The following RTRAF variants were observed in gnomAD, a reference collection of about 807,000 sequenced individuals.
RTRAF encodes the protein tRNA-splicing ligase complex subunit RTRAF.
Under a neutral mutation model 34.4 loss-of-function variants are expected in RTRAF, and 14 were observed. The ratio of observed to expected loss-of-function variants is 0.41; its 90% CI spans 0.27 to 0.64. The LOEUF is 0.64. Ranked by LOEUF, RTRAF falls within the 30% of genes least tolerant of loss-of-function variation. The pLI is 0.34. For missense variants in RTRAF, 291 were observed against 288.4 expected (o/e 1.01, Z -0.06); for synonymous variants, 96 against 95.3 (o/e 1.01, Z -0.04).
In RTRAF at chr14:51,998,518, C is replaced by T. The variant is rs149288575; in HGVS notation, c.311C>T (p.Pro104Leu). ...GCTGAAAAATACAAGGATTTAGTAC[C>T]TGATAATTCAAAAACTGCTGACAAT... The part of the protein sequence containing the change: ...DNAEKYKDLV[P>L]DNSKTADNAT... Residue 104 changes from proline to leucine, a missense_variant, in exon 4 of 8, where the codon CCT becomes CTT. Transcript: ENST00000261700. 1.1e-3 allele frequency: 1,791 copies of T among 1,585,956 alleles called. 8 individuals are homozygous for T. The Middle Eastern group carries it at 0.012, about 11-fold the overall frequency.
intron 6 of RTRAF, among the ~76,000 whole-genome samples, chr14:52,002,924 G>GTT (rs931201853): frequency 1.1e-4 from 16 of 152,212 alleles, no homozygotes; most frequent in Non-Finnish European, 1.8e-4. Flanking sequence ...GCCACTGGAA[G>GTT]TTGGGTTAAA....
rs1467139441 is a variant in RTRAF at position 52,005,304 on chromosome 14, G to GTAGT, written c.*789_*792dup. Reference sequence around the variant, plus strand: ...AACAACCTTCATTTTTAAAAATACAGTAGTAAAGATTGAGGTATCAGCTTT... The same window carrying GTAGT: ...AACAACCTTCATTTTTAAAAATACAGTAGTTAGTAAAGATTGAGGTATCAGCTTT... On this transcript the variant is annotated 3_prime_UTR_variant, in exon 8 of 8. Transcript: ENST00000261700. The GTAGT allele has an allele frequency of 2.2e-6, 1 of 446,976 alleles. No homozygotes were observed. Among genetic ancestry groups the GTAGT allele is most frequent in the Non-Finnish European group, 3.9e-6 (1 of 258,734 alleles). The allele number at this position is 446,976 out of a possible 1,614,324, so 27.7% of individuals were successfully genotyped here. A position where few individuals can be genotyped will look rare whatever the true frequency, so the allele number is the denominator to read the frequency against.
Position 52,003,299 on chromosome 14 carries a change from C to T in RTRAF, c.532-895C>T, listed in dbSNP as rs10146191. ...AGTGGAGCCTCTGGTACTAGATGAA[C>T]ATATAAAGCCACTCAGTACAATTCT... On this transcript the variant is annotated intron_variant, in intron 6 of 7. Transcript: ENST00000261700. Among the ~76,000 whole-genome samples the T allele has an allele frequency of 4.3e-3, 655 of 152,198 alleles. 7 individuals carry two copies. Among genetic ancestry groups the T allele is most frequent in the African/African-American group, 0.015 (625 of 41,518 alleles).
In RTRAF at chr14:52,008,128, T is replaced by C. The variant is rs566619815; in HGVS notation, c.*3612T>C. Reference sequence around the variant, plus strand: ...GTAGTGTCTTGCTTCTTCTAGTGCATAGAGTATAGCAGAAGTGATAGGCTA... The same window carrying C: ...GTAGTGTCTTGCTTCTTCTAGTGCACAGAGTATAGCAGAAGTGATAGGCTA... On this transcript the variant is annotated 3_prime_UTR_variant, in exon 8 of 8. Coordinates refer to ENST00000261700, the MANE Select transcript of RTRAF (RefSeq NM_016039.3). 85 of 591,642 alleles carry C rather than the reference T, an allele frequency of 1.4e-4. No homozygotes were observed. The highest frequency in any genetic ancestry group is 6.5e-4 in the Admixed American group (19 of 29,180). The allele number at this position is 591,642 out of a possible 1,614,324, so 36.6% of individuals were successfully genotyped here. A position where few individuals can be genotyped will look rare whatever the true frequency, so the allele number is the denominator to read the frequency against.
intron 4 of RTRAF, 149 bp downstream of exon 4, chr14:51,998,729 A>G (rs919322002): frequency 4.5e-6 from 2 of 448,918 alleles, no homozygotes; most frequent in East Asian, 3.5e-5. Flanking sequence ...TTTATTCTCT[A>G]TAATGTTTTT....
chr14:52,004,087 TAA>T (rs1566735026), intron 6 of RTRAF, 105 bp from the exon 7 acceptor site: 6 of 948,658 alleles, frequency 6.3e-6, no homozygotes, highest in Admixed American at 2.2e-5. Flanking sequence ...CCCATGCAGC[TAA>T]AAGAGTTAAG....
chr14:51,998,530 A>C lies in RTRAF; in HGVS notation c.323A>C (p.Lys108Thr). The stretch of plus-strand genomic sequence containing the variant: ...AAGGATTTAGTACCTGATAATTCAA[A>C]AACTGCTGACAATGCAACTAAAAAT... ...KYKDLVPDNS[K>T]TADNATKNAE... The change falls in exon 4 of 8, where the codon AAA becomes ACA. Residue 108 changes from lysine (K) to threonine (T), a missense_variant. Lys to Thr is a moderately conservative substitution (Grantham distance 78). Transcript: ENST00000261700. 1 of 1,591,384 alleles carries C rather than the reference A, an allele frequency of 6.3e-7. No homozygotes were observed. The highest frequency in any genetic ancestry group is 8.6e-7 in the Non-Finnish European group (1 of 1,168,868).
intron 3 of RTRAF, among the ~76,000 whole-genome samples, chr14:51,994,046 C>G (rs770997211): frequency 6.6e-6 from 1 of 152,196 alleles, no homozygotes; most frequent in Non-Finnish European, 1.5e-5. Context: ...ACTGTCTTCT[C>G]ACAGAGTAAC....
At chr14:52,004,132 G>A (rs902866132) in intron 6 of RTRAF, 62 bp from the exon 7 acceptor site, 5 of 1,427,970 alleles carry the variant, frequency 3.5e-6, no homozygotes, top group African/African-American at 1.4e-5. Context: ...TTCAGTTTCA[G>A]TTGAGGAAAG....
Position 52,006,912 on chromosome 14 carries a change from G to A in RTRAF, c.*2396G>A. ...ATCTGGTAAGTTTCTGCCAAAGTAG[G>A]GCATTAAACATAATTATTTTTATAA... On this transcript the variant is annotated 3_prime_UTR_variant, in exon 8 of 8. Transcript: ENST00000261700. 1 of 294,070 alleles carries A rather than the reference G, an allele frequency of 3.4e-6. No homozygotes were observed. The highest frequency in any genetic ancestry group is 6.5e-6 in the Non-Finnish European group (1 of 154,470). 18.2% of individuals were successfully genotyped at this position (294,070 alleles called of 1,614,324 possible).
chr14:52,004,108 A>C (rs1890661025), intron 6 of RTRAF, 86 bp from the exon 7 acceptor site: 2 of 1,163,902 alleles, frequency 1.7e-6, no homozygotes, highest in Non-Finnish European at 2.5e-6. Context: ...AGACACCAGA[A>C]TAGCTAGGTG....
Position 52,004,696 on chromosome 14 carries a change from A to C in RTRAF, c.*180A>C, listed in dbSNP as rs983518505. The stretch of plus-strand genomic sequence containing the variant: ...CTTTAATAAAGTTTAGGAAAGTAGA[A>C]TTTTTATTATGTACTGTATGTTTGC... On this transcript the variant is annotated 3_prime_UTR_variant, in exon 8 of 8. Coordinates refer to ENST00000261700, the MANE Select transcript of RTRAF (RefSeq NM_016039.3). 21 of 575,788 alleles carry C rather than the reference A, an allele frequency of 3.6e-5. 1 individual carries two copies. The Admixed American group carries it at 7.6e-4, about 21-fold the overall frequency. 35.7% of individuals were successfully genotyped at this position (575,788 alleles called of 1,614,324 possible).
chr14:51,995,810 TA>T lies in RTRAF; in HGVS notation c.286+2000del, dbSNP rs566927231. Reference sequence around the variant, plus strand: ...ACTTCGTTTACTTTTCCATTTAATTTAAAAAAAAAAAACTTTTCTTTCTTTA... The same window carrying T: ...ACTTCGTTTACTTTTCCATTTAATTTAAAAAAAAAAACTTTTCTTTCTTTA... On this transcript the variant is annotated intron_variant, in intron 3 of 7. Transcript: ENST00000261700. Among the ~76,000 whole-genome samples, 413 of 145,464 alleles carry T rather than the reference TA, an allele frequency of 2.8e-3. 2 individuals are homozygous for T. Among genetic ancestry groups the T allele is most frequent in the African/African-American group, 4.9e-3 (195 of 40,006 alleles).
At chr14:52,002,348 GTTGGTAAGTGACTGAGC>G (rs1890613905) in intron 6 of RTRAF, among the ~76,000 whole-genome samples, 1 of 152,208 alleles carries the variant, frequency 6.6e-6, no homozygotes, top group Non-Finnish European at 1.5e-5. Context: ...AGGTCACCTA[GTTGGTAAGTGACTGAGC>G]TCAGGCAGTC....
intron 5 of RTRAF, among the ~76,000 whole-genome samples, chr14:52,001,571 G>T (rs1890602308): frequency 6.6e-6 from 1 of 152,052 alleles, no homozygotes; most frequent in African/African-American, 2.4e-5. Context: ...TTCAAAAAAT[G>T]GTTTTAATTG....
chr14:52,005,644 G>A lies in RTRAF; in HGVS notation c.*1128G>A. On this transcript the variant is annotated 3_prime_UTR_variant, in exon 8 of 8. Transcript: ENST00000261700. Reference sequence around the variant, plus strand: ...TCAGGGCAGGAAGAAGGCAATGGTGGCAGTGTCACAGGCAGCAGGGGTAAT... The same window carrying A: ...TCAGGGCAGGAAGAAGGCAATGGTGACAGTGTCACAGGCAGCAGGGGTAAT... The A allele has an allele frequency of 7.4e-7, 1 of 1,357,510 alleles. No homozygotes were observed. The highest frequency in any genetic ancestry group is 1.2e-5 in the South Asian group (1 of 85,024). 84.1% of individuals were successfully genotyped at this position (1,357,510 alleles called of 1,614,324 possible). A position where few individuals can be genotyped will look rare whatever the true frequency, so the allele number is the denominator to read the frequency against.
chr14:52,004,815 T>TAAAACACTTTATTGGAG lies in RTRAF; in HGVS notation c.*300_*316dup, dbSNP rs1890691146. 1 of 235,898 alleles carries TAAAACACTTTATTGGAG rather than the reference T, an allele frequency of 4.2e-6. No individual in the cohort carries two copies. Among genetic ancestry groups the TAAAACACTTTATTGGAG allele is most frequent in the Non-Finnish European group, 8.1e-6 (1 of 123,790 alleles). The allele number at this position is 235,898 out of a possible 1,614,324, so 14.6% of individuals were successfully genotyped here. ...TAGATCCTTAAGTCATAGGAAAACTTAAAACACTTTATTGGAGTAATCTAG... is the reference window on the plus strand; with the variant it reads ...TAGATCCTTAAGTCATAGGAAAACTTAAAACACTTTATTGGAGAAAACACTTTATTGGAGTAATCTAG... On this transcript the variant is annotated 3_prime_UTR_variant, in exon 8 of 8. Coordinates refer to ENST00000261700, the MANE Select transcript of RTRAF (RefSeq NM_016039.3).
At chr14:51,990,274 C>T (rs1057495073) in intron 1 of RTRAF, among the ~76,000 whole-genome samples, 1 of 152,156 alleles carries the variant, frequency 6.6e-6, no homozygotes, top group Non-Finnish European at 1.5e-5. Flanking sequence ...AAGTTAATAG[C>T]AGATGAGTGG....
At position 52,004,448 on chromosome 14, in the gene RTRAF, A is replaced by C. The variant is rs117327564; in HGVS notation, c.667A>C (p.Ile223Leu). 14 of 1,614,038 alleles carry C rather than the reference A, an allele frequency of 8.7e-6. No individual in the cohort carries two copies. Among genetic ancestry groups the C allele is most frequent in the Middle Eastern group, 3.3e-4 (2 of 6,052 alleles). Residue 223 changes from isoleucine (I) to leucine (L), a missense_variant, in exon 8 of 8, where the codon ATA becomes CTA. Transcript: ENST00000261700. ...GCTACAGACAAAAATCAACGAAGCC[A>C]TAGTAGCTGTTCAGGCAATTATTGC... ...RELQTKINEA[I>L]VAVQAIIADP...
Sources: allele counts gnomAD v4.1 joint callset (sites outside exome capture counted in the v4.1 genomes callset), GRCh38; gene constraint gnomAD v4.1.1; transcripts MANE v1.5; gene names NCBI Gene and HGNC (gene_info 2026-07-23, HGNC 2026-07-21).